The following HECA variants were observed in gnomAD, a reference collection of about 807,000 sequenced individuals.
HECA encodes headcase protein homolog.
In HECA, 13 loss-of-function variants were observed where a neutral mutation model predicts 37.6. That is an observed-to-expected ratio of 0.35 (90% CI 0.23 to 0.55). HECA has a LOEUF of 0.55. Ranked by LOEUF, HECA falls within the 20% of genes least tolerant of loss-of-function variation. HECA has a pLI of 0.90. For missense variants in HECA, 527 were observed against 701.9 expected (o/e 0.75, Z 2.82); for synonymous variants, 307 against 291.5 (o/e 1.05, Z -0.54).
intron 1 of HECA, among the ~76,000 whole-genome samples, chr6:139,136,852 T>C (rs1441183078): frequency 6.6e-6 from 1 of 152,062 alleles, no homozygotes; most frequent in African/African-American, 2.4e-5. Flanking sequence ...GTCAGGCTGG[T>C]CTCGAACTCC....
At position 139,135,659 on chromosome 6, in the gene HECA, C is replaced by T; in HGVS notation, c.263C>T (p.Ala88Val). The T allele has an allele frequency of 1.0e-6, 1 of 982,078 alleles. No homozygotes were observed. Among genetic ancestry groups the T allele is most frequent in the Non-Finnish European group, 1.2e-6 (1 of 827,040 alleles). 60.8% of individuals were successfully genotyped at this position (982,078 alleles called of 1,614,324 possible). ...GCGGGGGCTGCGGCCGCGGGCGATG[C>T]CAAAAACGGTAAGACGGGGCTGGCG... ...AAAGAAAAGD[A>V]KNEAPCATPL... The change falls in exon 1 of 4, where the codon GCC (alanine) becomes GTC (valine). Residue 88 changes from alanine (A) to valine (V), a missense_variant. Physicochemically the swap from Ala to Val is moderately conservative, Grantham distance 64 (BLOSUM62 0). Transcript: ENST00000367658.
intron 2 of HECA, chr6:139,169,823 C>A (rs1248093286): frequency 6.6e-6 from 1 of 152,200 alleles, no homozygotes; most frequent in Non-Finnish European, 1.5e-5. Flanking sequence ...ACTCCTGTCA[C>A]ATTTTGTTCA....
In HECA at chr6:139,166,642, C is replaced by T. The variant is rs557021529; in HGVS notation, c.630C>T (p.Asn210=). Residue 210 remains asparagine, a synonymous_variant, in exon 2 of 4, where the codon AAC becomes AAT. Transcript: ENST00000367658. ...AGAAGAAGTCTGGCTCCGAGAAGAA[C>T]ACAGGGAGGCCTCCTGGTGAGGCGG... The part of the protein sequence containing the change: ...EKKKKSGSEK[N]TGRPPGEAAE... 5.6e-6 allele frequency: 9 copies of T among 1,614,176 alleles called. No homozygotes were observed. In the Admixed American group the frequency reaches 6.7e-5, roughly 12 times the overall value.
chr6:139,137,145 C>T (rs1173944530), intron 1 of HECA, among the ~76,000 whole-genome samples: 1 of 152,078 alleles, frequency 6.6e-6, no homozygotes, highest in African/African-American at 2.4e-5. Flanking sequence ...AGCCTGTGTT[C>T]TTCATGTTCT....
At chr6:139,136,636 G>GT (rs1263163159) in intron 1 of HECA, among the ~76,000 whole-genome samples, 2 of 143,370 alleles carry the variant, frequency 1.4e-5, no homozygotes, top group African/African-American at 2.5e-5. Context: ...GCACTTTTTT[G>GT]TTTTGTTTTT....
intron 1 of HECA, 195 bp from the exon 2 acceptor site, chr6:139,166,089 C>T (rs193215372): frequency 1.9e-5 from 10 of 533,190 alleles, no homozygotes; most frequent in Non-Finnish European, 3.3e-5. Context: ...AGAGATTCCA[C>T]CAGACTGGTT....
intron 2 of HECA, among the ~76,000 whole-genome samples, chr6:139,170,815 G>T (rs1341752834): frequency 6.6e-6 from 1 of 152,146 alleles, no homozygotes; most frequent in African/African-American, 2.4e-5. Context: ...GAGGAAAGGT[G>T]CGGGAAAGGG....
chr6:139,143,880 AAAG>A, intron 1 of HECA, among the ~76,000 whole-genome samples: 1 of 149,992 alleles, frequency 6.7e-6, no homozygotes, highest in South Asian at 2.1e-4. Context: ...AAAAAAAAAG[AAAG>A]AAAGAAATGC....
intron 1 of HECA, among the ~76,000 whole-genome samples, chr6:139,155,013 T>TG (rs145292669): frequency 1.9e-4 from 29 of 152,334 alleles, no homozygotes; most frequent in African/African-American, 6.7e-4. Context: ...TATACAGTCA[T>TG]GCATTGCTTA....
intron 1 of HECA, among the ~76,000 whole-genome samples, chr6:139,161,122 T>C (rs1027808887): frequency 1.2e-4 from 18 of 152,188 alleles, no homozygotes; most frequent in Admixed American, 1.0e-3. Flanking sequence ...GGAAATAATG[T>C]CCGAGTTTAG....
intron 1 of HECA, among the ~76,000 whole-genome samples, chr6:139,151,503 G>T (rs1774650557): frequency 6.6e-6 from 1 of 152,080 alleles, no homozygotes; most frequent in South Asian, 2.1e-4. Flanking sequence ...TACTTAATTT[G>T]ATATTCTCCA....
intron 2 of HECA, among the ~76,000 whole-genome samples, chr6:139,168,581 T>TCTAC (rs1562249181): frequency 1.3e-5 from 2 of 152,082 alleles, no homozygotes; most frequent in Non-Finnish European, 2.9e-5. Context: ...CCCTCCTGCT[T>TCTAC]CTACCTGTCC....
chr6:139,157,823 C>T (rs1774738582), intron 1 of HECA, among the ~76,000 whole-genome samples: 1 of 151,996 alleles, frequency 6.6e-6, no homozygotes, highest in African/African-American at 2.4e-5. Context: ...AGGCGAGGCA[C>T]AGGTGGAGGA....
intron 1 of HECA, among the ~76,000 whole-genome samples, chr6:139,150,119 T>C (rs1774633812): frequency 6.6e-6 from 1 of 152,254 alleles, no homozygotes; most frequent in Non-Finnish European, 1.5e-5. Flanking sequence ...TTGCATGTTG[T>C]TGTAAAAGCA....
Position 139,178,194 on chromosome 6 carries a change from A to G in HECA, c.*1089A>G, listed in dbSNP as rs905524951. On this transcript the variant is annotated 3_prime_UTR_variant, in exon 4 of 4. Coordinates refer to ENST00000367658, the MANE Select transcript of HECA (RefSeq NM_016217.3). Reference sequence around the variant, plus strand: ...TTTAATGCATAGCAGTATGTTTGAAAAATAGACCATTCTAAAAAGCCCATG... The same window carrying G: ...TTTAATGCATAGCAGTATGTTTGAAGAATAGACCATTCTAAAAAGCCCATG... The G allele has an allele frequency of 1.3e-5, 2 of 152,348 alleles. No individual in the cohort carries two copies. Among genetic ancestry groups the G allele is most frequent in the African/African-American group, 4.8e-5 (2 of 41,586 alleles). The allele number at this position is 152,348 out of a possible 1,614,324, so 9.4% of individuals were successfully genotyped here. A position where few individuals can be genotyped will look rare whatever the true frequency, so the allele number is the denominator to read the frequency against.
Position 139,135,197 on chromosome 6 carries a change from C to A in HECA, c.-200C>A. On this transcript the variant is annotated 5_prime_UTR_variant, in exon 1 of 4. Coordinates refer to ENST00000367658, the MANE Select transcript of HECA (RefSeq NM_016217.3). ...GCTGCGAGCCTCGGGTGGCCGCGTG[C>A]CGGCTCCAGGAAGCCGGAGAGGGCG... 1 of 295,922 alleles carries A rather than the reference C, an allele frequency of 3.4e-6. No homozygotes were observed. Among genetic ancestry groups the A allele is most frequent in the Non-Finnish European group, 5.4e-6 (1 of 185,798 alleles). The allele number at this position is 295,922 out of a possible 1,614,324, so 18.3% of individuals were successfully genotyped here.
rs1774701324 is a variant in HECA at position 139,155,561 on chromosome 6, T to A, written c.272-10723T>A. ...CAAACGTCGTTATATAGCATATGAC[T>A]GTATATGCACACGTACATATACACA... is the stretch of plus-strand genomic sequence containing the variant. On this transcript the variant is annotated intron_variant, in intron 1 of 3. Coordinates refer to ENST00000367658, the MANE Select transcript of HECA (RefSeq NM_016217.3). 2 of 152,220 alleles carry A rather than the reference T, an allele frequency of 1.3e-5. 1 individual carries two copies. The highest frequency in any genetic ancestry group is 4.1e-4 in the South Asian group (2 of 4,832). 9.4% of individuals were successfully genotyped at this position (152,220 alleles called of 1,614,324 possible). A position where few individuals can be genotyped will look rare whatever the true frequency, so the allele number is the denominator to read the frequency against.
chr6:139,175,520 G>GCA (rs901493714), intron 3 of HECA, among the ~76,000 whole-genome samples: 9 of 152,194 alleles, frequency 5.9e-5, no homozygotes, highest in Admixed American at 5.2e-4. Context: ...GCTCCCCTCT[G>GCA]CACACACACA....
intron 1 of HECA, chr6:139,144,290 C>A (rs1486390279): frequency 6.6e-6 from 1 of 152,188 alleles, no homozygotes; most frequent in Non-Finnish European, 1.5e-5. Flanking sequence ...AGAATCCATA[C>A]CATCAAGGGC....
Sources: gnomAD v4.1 joint callset for allele counts (sites outside exome capture counted in the v4.1 genomes callset) on GRCh38, gnomAD v4.1.1 for gene constraint, MANE v1.5 for transcripts, NCBI Gene and HGNC (gene_info 2026-07-23, HGNC 2026-07-21) for gene names.